The following AKAP13 variants were observed in gnomAD, a reference collection of about 807,000 sequenced individuals.
The protein encoded by AKAP13 is A-kinase anchoring protein 13, also known as A-kinase anchor protein 13.
Under a neutral mutation model 264.5 loss-of-function variants are expected in AKAP13, and 80 were observed. The ratio of observed to expected loss-of-function variants is 0.30; its 90% CI spans 0.25 to 0.36. The LOEUF (loss-of-function observed/expected upper bound fraction) is 0.36. AKAP13 is among the 10% of genes least tolerant of loss of function. AKAP13 has a pLI of 1.00. For synonymous variants in AKAP13, 1,380 were observed against 1,250.2 expected, an observed-to-expected ratio of 1.10 and a Z score of -2.19; for missense variants, 3,712 against 3,435.2, an observed-to-expected ratio of 1.08 and a Z score of -2.01.
intron 26 of AKAP13, among the ~76,000 whole-genome samples, chr15:85,725,457 G>A (rs929845325): frequency 1.3e-5 from 2 of 151,996 alleles, no homozygotes; most frequent in South Asian, 2.1e-4. Context: ...CATAACTGAT[G>A]GCAGTACACA....
intron 5 of AKAP13, among the ~76,000 whole-genome samples, chr15:85,560,444 G>T (rs991286087): frequency 6.6e-6 from 1 of 152,014 alleles, no homozygotes; most frequent in Non-Finnish European, 1.5e-5. Context: ...ACTGCACCCA[G>T]CCTATTTATT....
rs2306225 is a variant in AKAP13, at chr15:85,684,721, A to G, written c.5157-20A>G. 0.23 allele frequency: 367,868 copies of G among 1,595,768 alleles called. 46,475 individuals carry two copies. The highest frequency in any genetic ancestry group is 0.36 in the Middle Eastern group (2,178 of 5,974). On this transcript the variant is annotated intron_variant, in intron 15 of 36. Transcript: ENST00000394518. Reference sequence around the variant, plus strand: ...TTCTGTAGCCCTTTAAAAAAAATCAATCTTCTTGTTTTTATTTAGTATAAC... The same window carrying G: ...TTCTGTAGCCCTTTAAAAAAAATCAGTCTTCTTGTTTTTATTTAGTATAAC...
At chr15:85,514,188 C>T (rs1204499831) in intron 2 of AKAP13, among the ~76,000 whole-genome samples, 1 of 137,088 alleles carries the variant, frequency 7.3e-6, no homozygotes, top group Non-Finnish European at 1.6e-5. Flanking sequence ...TTTACTATTC[C>T]AGCAATCTCC....
chr15:85,539,536 T>G (rs2077515527), intron 4 of AKAP13, among the ~76,000 whole-genome samples: 1 of 152,204 alleles, frequency 6.6e-6, no homozygotes, highest in Non-Finnish European at 1.5e-5. Flanking sequence ...AGAGTAGTCC[T>G]TGATTATTGT....
Position 85,708,025 on chromosome 15 carries a change from G to A in AKAP13, c.5471G>A (p.Ser1824Asn). The A allele has an allele frequency of 6.2e-7, 1 of 1,613,878 alleles. No individual in the cohort carries two copies. The highest frequency in any genetic ancestry group is 8.5e-7 in the Non-Finnish European group (1 of 1,179,806). ...GGGTTTGCTTTCTTTTCAGATTGCA[G>A]TGCTTTTGTCCACAAAGGCTGCCGA... ...NKDAYTCANCSAFVHKGCRES... is the reference protein window; with the variant it reads ...NKDAYTCANCNAFVHKGCRES... Residue 1824 changes from serine to asparagine, a missense_variant, in exon 18 of 37, where the codon AGT (serine) becomes AAT (asparagine). Ser to Asn is a conservative substitution (Grantham distance 46). Around this residue, in one of 3 missense-constraint regions of AKAP13, gnomAD observed 2,759 missense variants for 2,411.7 expected, o/e 1.14. Coordinates refer to ENST00000394518, the MANE Select transcript of AKAP13 (RefSeq NM_007200.5). This position sits in a 1 kb window ranked among gnomAD's most constrained non-coding sequence, Gnocchi z 4.3.
At chr15:85,607,870 C>G (rs991142516) in intron 8 of AKAP13, among the ~76,000 whole-genome samples, 3 of 152,196 alleles carry the variant, frequency 2.0e-5, no homozygotes, top group Non-Finnish European at 2.9e-5. Flanking sequence ...TGAACAGAAG[C>G]AAGTTTATTG....
chr15:85,425,733 A>AG (rs56137023), intron 1 of AKAP13, among the ~76,000 whole-genome samples: 1 of 151,270 alleles, frequency 6.6e-6, no homozygotes, highest in Non-Finnish European at 1.5e-5. Context: ...AAAAAAAAAA[A>AG]GAACTTACCT....
chr15:85,399,823 G>C (rs922551668), intron 1 of AKAP13, among the ~76,000 whole-genome samples: 8 of 152,150 alleles, frequency 5.3e-5, no homozygotes, highest in African/African-American at 1.9e-4. Context: ...AAACAGGGAA[G>C]TATTTGAGAT....
At chr15:85,577,528 T>G (rs1219725065) in intron 6 of AKAP13, among the ~76,000 whole-genome samples, 1 of 152,218 alleles carries the variant, frequency 6.6e-6, no homozygotes, top group Non-Finnish European at 1.5e-5. Context: ...TTTTTCTAAT[T>G]GCAATATGGT....
At chr15:85,596,516 G>A (rs2079832014) in intron 8 of AKAP13, among the ~76,000 whole-genome samples, 2 of 152,058 alleles carry the variant, frequency 1.3e-5, no homozygotes, top group Non-Finnish European at 2.9e-5. Context: ...CTGGGGAGGT[G>A]GAGGCTGCGG....
At position 85,417,194 on chromosome 15, in the gene AKAP13, T is replaced by G. The variant is rs139025545; in HGVS notation, c.-12+36396T>G. 5.9e-3 allele frequency among the ~76,000 whole-genome samples: 893 copies of G among 152,316 alleles called. 1 individual carries two copies. Among genetic ancestry groups the G allele is most frequent in the Non-Finnish European group, 7.4e-3 (501 of 68,022 alleles). On this transcript the variant is annotated intron_variant, in intron 1 of 36. Coordinates refer to ENST00000394518, the MANE Select transcript of AKAP13 (RefSeq NM_007200.5). ...AAGTTTTGGATTGATATTAGAAATA[T>G]TAATAGTTTATCCTAGGCAGGAGCC...
intron 1 of AKAP13, among the ~76,000 whole-genome samples, chr15:85,464,666 G>T (rs954189269): frequency 6.6e-6 from 1 of 152,200 alleles, no homozygotes; most frequent in African/African-American, 2.4e-5. Context: ...GTTAAATTGA[G>T]CTGCTCAAGC....
At position 85,719,335 on chromosome 15, in the gene AKAP13, G is replaced by A. The variant is rs1185070125; in HGVS notation, c.6252+9G>A. 3 of 1,613,806 alleles carry A rather than the reference G, an allele frequency of 1.9e-6. No individual in the cohort carries two copies. The highest frequency in any genetic ancestry group is 8.5e-7 in the Non-Finnish European group (1 of 1,179,846). On this transcript the variant is annotated intron_variant, in intron 23 of 36. Coordinates refer to ENST00000394518, the MANE Select transcript of AKAP13 (RefSeq NM_007200.5). ...ATGTGCTTGTAAATCAGGTGAGAAT[G>A]GGAAGGATCTCAGGTTCTTACATAC...
chr15:85,546,944 A>C (rs1019257288), intron 5 of AKAP13, among the ~76,000 whole-genome samples: 1 of 151,988 alleles, frequency 6.6e-6, no homozygotes, highest in Admixed American at 6.5e-5. Flanking sequence ...GGGTTTCACC[A>C]TGTTGGTCAG....
chr15:85,700,084 T>A (rs1472529984), intron 17 of AKAP13, among the ~76,000 whole-genome samples: 1 of 152,218 alleles, frequency 6.6e-6, no homozygotes, highest in Non-Finnish European at 1.5e-5. Flanking sequence ...ATATTTAGCC[T>A]TGTATTGCCA....
intron 14 of AKAP13, among the ~76,000 whole-genome samples, chr15:85,678,709 A>G (rs918553469): frequency 6.6e-6 from 1 of 151,994 alleles, no homozygotes; most frequent in African/African-American, 2.4e-5. Flanking sequence ...TAAAACAAAC[A>G]AACAAACAAA....
In AKAP13 at chr15:85,380,608, C is replaced by G. The variant is rs1191014109; in HGVS notation, c.-202C>G. The G allele has an allele frequency of 7.4e-6, 1 of 135,730 alleles. No individual in the cohort carries two copies. The highest frequency in any genetic ancestry group is 1.6e-5 in the Non-Finnish European group (1 of 63,884). The allele number at this position is 135,730 out of a possible 1,614,324, so 8.4% of individuals were successfully genotyped here. A position where few individuals can be genotyped will look rare whatever the true frequency, so the allele number is the denominator to read the frequency against. ...CGCATGCGCGGACTGGAGCTGTGTGCAGGGCCAGCGCGGAGCCCGAGCAGC... is the reference window on the plus strand; with the variant it reads ...CGCATGCGCGGACTGGAGCTGTGTGGAGGGCCAGCGCGGAGCCCGAGCAGC... On this transcript the variant is annotated 5_prime_UTR_variant, in exon 1 of 37. Coordinates refer to ENST00000394518, the MANE Select transcript of AKAP13 (RefSeq NM_007200.5).
chr15:85,505,065 C>T (rs1248448209), intron 2 of AKAP13, among the ~76,000 whole-genome samples: 1 of 152,170 alleles, frequency 6.6e-6, no homozygotes, highest in African/African-American at 2.4e-5. Context: ...GAGAATTGTA[C>T]ATTGAAACAA....
intron 2 of AKAP13, among the ~76,000 whole-genome samples, chr15:85,512,214 C>A (rs7173125): frequency 4.6e-5 from 7 of 151,998 alleles, no homozygotes; most frequent in South Asian, 2.1e-4. Context: ...TTTTTGCTTT[C>A]CATAAGCCTC....
Sources: allele counts gnomAD v4.1 joint callset (sites outside exome capture counted in the v4.1 genomes callset), GRCh38; gene constraint gnomAD v4.1.1; regional missense constraint gnomAD v4.1.1; non-coding constraint Gnocchi (gnomAD v3.1); transcripts MANE v1.5; gene names NCBI Gene and HGNC (gene_info 2026-07-23, HGNC 2026-07-21).